Variants in LYPLAL1 observed in about 807,000 individuals in gnomAD.
LYPLAL1 encodes lysophospholipase like 1.
A neutral mutation model predicts 19.7 loss-of-function variants in LYPLAL1; 23 were observed. The ratio of observed to expected loss-of-function variants is 1.17; its 90% CI spans 0.84 to 1.65. LYPLAL1 has a LOEUF of 1.65. Among genes scored for constraint, LYPLAL1 ranks in the 40% most tolerant of loss-of-function variants. The probability of loss-of-function intolerance (pLI) is 0.00; values close to 1 mark genes in which losing one functional copy is unlikely to be tolerated. For missense variants in LYPLAL1, 355 were observed against 279.4 expected (o/e 1.27, Z -1.93); for synonymous variants, 119 against 96.3 (o/e 1.24, Z -1.38).
At chr1:219,428,109 T>C in the LYPLAL1 span, among the ~76,000 whole-genome samples, 2 of 152,174 alleles carry the variant, frequency 1.3e-5, no homozygotes, top group African/African-American at 4.8e-5. Flanking sequence ...TTTCCAAAGA[T>C]AAGGAGTTCA....
At chr1:219,290,300 C>A in the LYPLAL1 span, among the ~76,000 whole-genome samples, 1 of 152,136 alleles carries the variant, frequency 6.6e-6, no homozygotes, top group East Asian at 1.9e-4. Flanking sequence ...ACCAGAGGAA[C>A]TCCATCTTGA....
the LYPLAL1 span, among the ~76,000 whole-genome samples, chr1:219,297,600 T>C: frequency 2.0e-5 from 3 of 152,230 alleles, no homozygotes; most frequent in South Asian, 6.2e-4. Flanking sequence ...GATTTAGTCA[T>C]ACAAATCATC....
the LYPLAL1 span, among the ~76,000 whole-genome samples, chr1:219,282,232 T>C: frequency 2.9e-4 from 44 of 151,728 alleles, no homozygotes; most frequent in African/African-American, 1.1e-3. Flanking sequence ...ATATAAAAAG[T>C]AAAATACAAG....
the LYPLAL1 span, among the ~76,000 whole-genome samples, chr1:219,239,545 G>A: frequency 5.9e-5 from 9 of 152,188 alleles, no homozygotes; most frequent in Non-Finnish European, 1.3e-4. Context: ...ATAGAAGTAT[G>A]TTTGTGATTT....
At chr1:219,192,628 G>A (rs1657272434) in intron 2 of LYPLAL1, among the ~76,000 whole-genome samples, 1 of 150,672 alleles carries the variant, frequency 6.6e-6, no homozygotes, top group African/African-American at 2.4e-5. Context: ...AATCTCTAAG[G>A]TTTTTTTTTG....
the LYPLAL1 span, among the ~76,000 whole-genome samples, chr1:219,280,331 G>T: frequency 1.3e-5 from 2 of 152,138 alleles, no homozygotes; most frequent in Non-Finnish European, 2.9e-5. Flanking sequence ...AAATACTTGA[G>T]TTGGAATAGA....
chr1:219,231,200 G>T, the LYPLAL1 span, among the ~76,000 whole-genome samples: 4 of 152,106 alleles, frequency 2.6e-5, no homozygotes, highest in African/African-American at 9.7e-5. Flanking sequence ...GGGCCGTGTG[G>T]GTGAATACCT....
chr1:219,238,380 T>A, the LYPLAL1 span, among the ~76,000 whole-genome samples: 1 of 146,192 alleles, frequency 6.8e-6, no homozygotes, highest in Non-Finnish European at 1.5e-5. Context: ...CTCTATCTCC[T>A]GACCTCGTGA....
chr1:219,206,769 A>G (rs554184892), intron 3 of LYPLAL1, among the ~76,000 whole-genome samples: 24 of 151,470 alleles, frequency 1.6e-4, no homozygotes, highest in African/African-American at 5.8e-4. Flanking sequence ...CTGAAACTAC[A>G]TAAAGTGATT....
chr1:219,373,696 CT>C, the LYPLAL1 span, among the ~76,000 whole-genome samples: 1 of 152,134 alleles, frequency 6.6e-6, no homozygotes, highest in Admixed American at 6.5e-5. Context: ...AAAAGGTAAT[CT>C]TTGAATGGTT....
At chr1:219,412,669 C>T in the LYPLAL1 span, among the ~76,000 whole-genome samples, 8 of 152,090 alleles carry the variant, frequency 5.3e-5, no homozygotes, top group Non-Finnish European at 1.0e-4. Flanking sequence ...CATATAGAAC[C>T]TCCTCTAATT....
At chr1:219,309,939 T>A in the LYPLAL1 span, among the ~76,000 whole-genome samples, 1 of 152,212 alleles carries the variant, frequency 6.6e-6, no homozygotes, top group Non-Finnish European at 1.5e-5. Context: ...GGAATCCCAG[T>A]CTTAGTTTTG....
chr1:219,262,918 G>A, the LYPLAL1 span, among the ~76,000 whole-genome samples: 1 of 152,200 alleles, frequency 6.6e-6, no homozygotes, highest in Non-Finnish European at 1.5e-5. Flanking sequence ...CCTTGGAGCA[G>A]GATTATTCTG....
the LYPLAL1 span, among the ~76,000 whole-genome samples, chr1:219,342,389 C>G: frequency 6.6e-6 from 1 of 152,126 alleles, no homozygotes; most frequent in African/African-American, 2.4e-5. Context: ...CAAGGTTTCT[C>G]TCTTTTAATA....
chr1:219,256,964 G>T, the LYPLAL1 span, among the ~76,000 whole-genome samples: 1 of 151,894 alleles, frequency 6.6e-6, no homozygotes, highest in Non-Finnish European at 1.5e-5. Flanking sequence ...ATTGAAGCTT[G>T]CCTTATGACC....
chr1:219,403,641 G>A, the LYPLAL1 span, among the ~76,000 whole-genome samples: 1 of 152,178 alleles, frequency 6.6e-6, no homozygotes, highest in African/African-American at 2.4e-5. Context: ...GAATTTCCCT[G>A]TCAAAATATA....
chr1:219,316,745 A>G, the LYPLAL1 span, among the ~76,000 whole-genome samples: 1 of 152,330 alleles, frequency 6.6e-6, no homozygotes, highest in East Asian at 1.9e-4. Context: ...ATAGGCTGCA[A>G]TGTGGATTAA....
chr1:219,174,415 C>A, intron 1 of LYPLAL1: 2 of 434,256 alleles, frequency 4.6e-6, no homozygotes, highest in Non-Finnish European at 3.2e-6. Context: ...CTAATGTAGA[C>A]AATTGAGATT....
chr1:219,377,489 T>C, the LYPLAL1 span, among the ~76,000 whole-genome samples: 1 of 152,182 alleles, frequency 6.6e-6, no homozygotes, highest in South Asian at 2.1e-4. Flanking sequence ...AAATGGTCAA[T>C]TTTATGTTAC....
Sources: gnomAD v4.1 joint callset for allele counts (sites outside exome capture counted in the v4.1 genomes callset) on GRCh38, gnomAD v4.1.1 for gene constraint, MANE v1.5 for transcripts, NCBI Gene and HGNC (gene_info 2026-07-23, HGNC 2026-07-21) for gene names.